Variants in TRPM3 observed in about 807,000 individuals in gnomAD.
TRPM3 encodes long transient receptor potential channel 3.
Under a neutral mutation model 181.2 loss-of-function variants are expected in TRPM3, and 77 were observed. The observed-to-expected ratio is 0.42, with a 90% CI of 0.35 to 0.51. The LOEUF (loss-of-function observed/expected upper bound fraction) is 0.51, where lower values mean the gene tolerates loss of function less well. Ranked by LOEUF, TRPM3 falls within the 20% of genes least tolerant of loss-of-function variation. The pLI, the probability that TRPM3 is intolerant of heterozygous loss-of-function variation, is 0.01. For missense variants in TRPM3, 1,759 were observed against 2,196.7 expected (o/e 0.80, Z 3.98); for synonymous variants, 745 against 796.4 (o/e 0.94, Z 1.09).
intron 1 of TRPM3, among the ~76,000 whole-genome samples, chr9:71,420,963 A>G (rs377095512): frequency 7.1e-6 from 1 of 141,066 alleles, no homozygotes; most frequent in South Asian, 2.4e-4. Context: ...GGGAGAGAAA[A>G]AGGGAGAGAA....
At chr9:70,886,165 T>C (rs2096078334) in intron 1 of TRPM3, among the ~76,000 whole-genome samples, 2 of 152,226 alleles carry the variant, frequency 1.3e-5, no homozygotes, top group South Asian at 4.1e-4. Context: ...AGTGACACAG[T>C]TATTAATAAG....
Position 71,276,003 on chromosome 9 carries a change from G to A in TRPM3, c.183+170650C>T, listed in dbSNP as rs181961836. ...ACTACAGGAACCCGCCACCACACCC[G>A]GCTAATTTTTTCTATTTTTAGTAAA... On this transcript the variant is annotated intron_variant, in intron 1 of 24. Coordinates refer to the TRPM3 transcript ENST00000357533. 4.6e-5 allele frequency among the ~76,000 whole-genome samples: 7 copies of A among 152,018 alleles called. No individual in the cohort carries two copies. The South Asian group carries it at 1.0e-3, about 23-fold the overall frequency.
intron 5 of TRPM3, among the ~76,000 whole-genome samples, chr9:70,831,203 C>G (rs979044991): frequency 1.3e-5 from 2 of 152,056 alleles, no homozygotes; most frequent in Non-Finnish European, 2.9e-5. Flanking sequence ...AGCAAACGTA[C>G]CAGCAATCTA....
chr9:71,224,491 A>G (rs978287130), intron 1 of TRPM3, among the ~76,000 whole-genome samples: 3 of 152,220 alleles, frequency 2.0e-5, no homozygotes, highest in African/African-American at 7.2e-5. Context: ...CAATGCCCAG[A>G]CACTTATGAA....
At chr9:71,360,475 C>G (rs1359176228) in intron 1 of TRPM3, among the ~76,000 whole-genome samples, 1 of 152,124 alleles carries the variant, frequency 6.6e-6, no homozygotes, top group Admixed American at 6.5e-5. Flanking sequence ...TATTTCATCA[C>G]AAGGCACTAG....
chr9:70,980,488 A>G (rs1013557442), intron 1 of TRPM3, among the ~76,000 whole-genome samples: 1 of 152,084 alleles, frequency 6.6e-6, no homozygotes, highest in African/African-American at 2.4e-5. Flanking sequence ...TAGTAAGCTA[A>G]TCAGTGTTGT....
intron 1 of TRPM3, among the ~76,000 whole-genome samples, chr9:71,054,546 T>C (rs773800681): frequency 7.9e-5 from 12 of 152,174 alleles, no homozygotes; most frequent in Non-Finnish European, 1.3e-4. Flanking sequence ...CTTTTGTTTT[T>C]ACTTTCATTG....
chr9:70,841,661 T>TATATATAAAA (rs1339698170), intron 5 of TRPM3, among the ~76,000 whole-genome samples: 5 of 86,080 alleles, frequency 5.8e-5, no homozygotes, highest in South Asian at 4.3e-4. Flanking sequence ...TATATATATA[T>TATATATAAAA]CCCACCATAT....
chr9:71,348,510 A>G (rs1034743395), intron 1 of TRPM3, among the ~76,000 whole-genome samples: 2 of 150,420 alleles, frequency 1.3e-5, no homozygotes, highest in African/African-American at 4.9e-5. Flanking sequence ...TCATTTTCAT[A>G]GTTTGGTAGT....
At chr9:71,001,742 A>T (rs1488299353) in intron 1 of TRPM3, among the ~76,000 whole-genome samples, 1 of 152,250 alleles carries the variant, frequency 6.6e-6, no homozygotes, top group Non-Finnish European at 1.5e-5. Context: ...GTGTCCAAAC[A>T]GCTGTTTGAA....
chr9:70,833,885 G>A (rs545546324), intron 5 of TRPM3, among the ~76,000 whole-genome samples: 150 of 152,192 alleles, frequency 9.9e-4, no homozygotes, highest in Non-Finnish European at 1.7e-3. Context: ...GATTCTCTTA[G>A]GATCACGCAT....
At chr9:71,143,309 C>T (rs1661688629) in intron 1 of TRPM3, among the ~76,000 whole-genome samples, 1 of 151,968 alleles carries the variant, frequency 6.6e-6, no homozygotes, top group East Asian at 1.9e-4. Context: ...AGTACCCATT[C>T]ATTATTTTTC....
chr9:70,917,165 T>C, intron 1 of TRPM3: 1 of 1,605,830 alleles, frequency 6.2e-7, no homozygotes, highest in Non-Finnish European at 8.5e-7. Context: ...CTGGTCCAGT[T>C]CTAGGAGGAG....
intron 1 of TRPM3, among the ~76,000 whole-genome samples, chr9:71,242,642 T>A (rs1237135449): frequency 1.3e-5 from 2 of 152,282 alleles, no homozygotes; most frequent in East Asian, 3.9e-4. Context: ...TTAGTACTAC[T>A]CCCATTACTA....
intron 1 of TRPM3, among the ~76,000 whole-genome samples, chr9:71,355,760 G>A (rs1040225531): frequency 1.2e-4 from 19 of 152,240 alleles, no homozygotes; most frequent in African/African-American, 3.9e-4. Context: ...TGGATACAGA[G>A]CATGAGCTAG....
intron 6 of TRPM3, among the ~76,000 whole-genome samples, chr9:70,809,772 G>A (rs150194475): frequency 6.6e-4 from 100 of 152,246 alleles, no homozygotes; most frequent in Non-Finnish European, 1.3e-3. Context: ...CAAGTCACAT[G>A]GTTTGGACCC....
At chr9:71,087,347 C>A (rs1445132031) in intron 1 of TRPM3, among the ~76,000 whole-genome samples, 2 of 152,050 alleles carry the variant, frequency 1.3e-5, no homozygotes, top group Admixed American at 6.6e-5. Context: ...GAATTCAAAT[C>A]CCATTTCCTG....
At chr9:71,115,895 T>C (rs1004694228) in intron 1 of TRPM3, among the ~76,000 whole-genome samples, 12 of 152,230 alleles carry the variant, frequency 7.9e-5, no homozygotes, top group Admixed American at 5.9e-4. Context: ...CATGGTTCAC[T>C]GTTCAGCAGC....
At chr9:71,332,892 T>C (rs1360326799) in intron 1 of TRPM3, among the ~76,000 whole-genome samples, 1 of 148,860 alleles carries the variant, frequency 6.7e-6, no homozygotes, top group African/African-American at 2.6e-5. Context: ...TAGGTTTTCT[T>C]AAACAGTTTT....
Sources: allele counts gnomAD v4.1 joint callset (sites outside exome capture counted in the v4.1 genomes callset), GRCh38; gene constraint gnomAD v4.1.1; transcripts MANE v1.5; gene names NCBI Gene and HGNC (gene_info 2026-07-23, HGNC 2026-07-21).